Variants in LGSN observed in about 807,000 individuals in gnomAD.
The protein encoded by LGSN is lengsin, lens protein with glutamine synthetase domain.
LGSN carries 21 observed loss-of-function variants against 19.5 expected under a neutral mutation model. That is an observed-to-expected ratio of 1.07 (90% CI 0.76 to 1.55). LGSN has a LOEUF of 1.55. Among genes scored for constraint, LGSN ranks in the 40% most tolerant of loss-of-function variants. LGSN has a pLI of 0.00. For missense variants in LGSN, 673 were observed against 608.5 expected, an observed-to-expected ratio of 1.11 and a Z score of -1.12; for synonymous variants, 257 against 215.6, an observed-to-expected ratio of 1.19 and a Z score of -1.68.
At chr6:63,302,448 T>C (rs555925414) in intron 1 of LGSN, among the ~76,000 whole-genome samples, 1 of 152,348 alleles carries the variant, frequency 6.6e-6, no homozygotes, top group South Asian at 2.1e-4. Flanking sequence ...ATAAACACTC[T>C]TGAACACAGG....
chr6:63,460,517 T>C, the LGSN span, among the ~76,000 whole-genome samples: 18 of 152,220 alleles, frequency 1.2e-4, no homozygotes, highest in Admixed American at 5.2e-4. Flanking sequence ...TCTTTTACCT[T>C]GAAATCATAC....
the LGSN span, among the ~76,000 whole-genome samples, chr6:63,523,258 T>C: frequency 6.6e-6 from 1 of 152,144 alleles, no homozygotes; most frequent in Non-Finnish European, 1.5e-5. Context: ...CACTATTATG[T>C]ACTTTCTCAG....
At chr6:63,388,615 C>A in the LGSN span, among the ~76,000 whole-genome samples, 7 of 152,140 alleles carry the variant, frequency 4.6e-5, no homozygotes, top group Non-Finnish European at 1.0e-4. Context: ...CCAACCCTGC[C>A]AACACCTTCA....
chr6:63,421,758 A>T, the LGSN span, among the ~76,000 whole-genome samples: 1 of 152,102 alleles, frequency 6.6e-6, no homozygotes, highest in East Asian at 1.9e-4. Context: ...GAAAGAAATT[A>T]TTCAATATGA....
At chr6:63,432,909 C>G in the LGSN span, among the ~76,000 whole-genome samples, 3 of 152,126 alleles carry the variant, frequency 2.0e-5, no homozygotes, top group African/African-American at 7.2e-5. Flanking sequence ...AGACATTTGT[C>G]TTATCTTCCC....
the LGSN span, among the ~76,000 whole-genome samples, chr6:63,442,162 TG>T: frequency 6.6e-6 from 1 of 152,150 alleles, no homozygotes; most frequent in Admixed American, 6.5e-5. Flanking sequence ...CCAATGCGTT[TG>T]TTCGTCCCTC....
the LGSN span, among the ~76,000 whole-genome samples, chr6:63,548,538 G>A: frequency 6.6e-6 from 1 of 152,170 alleles, no homozygotes; most frequent in East Asian, 1.9e-4. Context: ...ACCATGTCCT[G>A]TTTTTCCTTC....
chr6:63,453,092 A>T, the LGSN span, among the ~76,000 whole-genome samples: 4 of 152,120 alleles, frequency 2.6e-5, no homozygotes, highest in South Asian at 6.2e-4. Flanking sequence ...ATATTTGGAG[A>T]TTTTTAATAT....
chr6:63,436,011 T>G, the LGSN span, among the ~76,000 whole-genome samples: 1 of 152,048 alleles, frequency 6.6e-6, no homozygotes, highest in Non-Finnish European at 1.5e-5. Context: ...TGCTCTTTTT[T>G]GTGTTTTTTT....
chr6:63,515,802 A>C, the LGSN span, among the ~76,000 whole-genome samples: 25 of 152,328 alleles, frequency 1.6e-4, no homozygotes, highest in African/African-American at 5.5e-4. Flanking sequence ...GTGAAATGGA[A>C]GGAAGAAAGG....
At chr6:63,550,375 G>C in the LGSN span, 1 of 152,162 alleles carries the variant, frequency 6.6e-6, no homozygotes, top group Non-Finnish European at 1.5e-5. Context: ...GGTGAGCTGA[G>C]GGTGAAGCTA....
At chr6:63,344,996 G>C in the LGSN span, among the ~76,000 whole-genome samples, 1 of 151,896 alleles carries the variant, frequency 6.6e-6, no homozygotes, top group Non-Finnish European at 1.5e-5. Flanking sequence ...CTATAGCATT[G>C]GCTCACAGGA....
the LGSN span, among the ~76,000 whole-genome samples, chr6:63,432,156 A>AGAAAGAAAGAAAGAAAAG: frequency 8.7e-6 from 1 of 115,356 alleles, no homozygotes; most frequent in African/African-American, 3.7e-5. Flanking sequence ...AAAGAAAGAA[A>AGAAAGAAAGAAAGAAAAG]GAAAGAAAGA....
At chr6:63,301,075 G>A (rs1022819133) in intron 1 of LGSN, among the ~76,000 whole-genome samples, 1 of 152,176 alleles carries the variant, frequency 6.6e-6, no homozygotes, top group African/African-American at 2.4e-5. Flanking sequence ...AGGATCACTT[G>A]AGGTCAGGAG....
the LGSN span, among the ~76,000 whole-genome samples, chr6:63,414,049 A>G: frequency 6.6e-6 from 1 of 152,204 alleles, no homozygotes; most frequent in East Asian, 1.9e-4. Flanking sequence ...TGGCCACTGG[A>G]ATCACAAACA....
the LGSN span, among the ~76,000 whole-genome samples, chr6:63,355,030 T>G: frequency 6.6e-6 from 1 of 151,960 alleles, no homozygotes; most frequent in East Asian, 1.9e-4. Flanking sequence ...GAAAGAATAG[T>G]TTCTAAAGTT....
the LGSN span, among the ~76,000 whole-genome samples, chr6:63,390,856 T>C: frequency 1.7e-3 from 199 of 119,468 alleles, no homozygotes; most frequent in African/African-American, 6.8e-3. Flanking sequence ...CAAGACTCCA[T>C]CTCAAAAAAA....
At chr6:63,401,773 G>A in the LGSN span, among the ~76,000 whole-genome samples, 1 of 152,164 alleles carries the variant, frequency 6.6e-6, no homozygotes, top group African/African-American at 2.4e-5. Flanking sequence ...TGCGACTGGA[G>A]CATGCAGTTA....
the LGSN span, among the ~76,000 whole-genome samples, chr6:63,415,584 A>T: frequency 6.6e-6 from 1 of 152,210 alleles, no homozygotes; most frequent in Non-Finnish European, 1.5e-5. Flanking sequence ...CGCCCTCATG[A>T]TCCAATTATT....
Sources: gnomAD v4.1 joint callset for allele counts (sites outside exome capture counted in the v4.1 genomes callset) on GRCh38, gnomAD v4.1.1 for gene constraint, MANE v1.5 for transcripts, NCBI Gene and HGNC (gene_info 2026-07-23, HGNC 2026-07-21) for gene names.